PNPLA7: variants seen among roughly 807,000 people sequenced by gnomAD.
PNPLA7 encodes patatin like domain 7, lysophospholipase, also known as patatin-like phospholipase domain-containing protein 7.
PNPLA7 carries 153 observed loss-of-function variants against 161.7 expected under a neutral mutation model. That is an observed-to-expected ratio of 0.95 (90% CI 0.83 to 1.08). PNPLA7 has a LOEUF of 1.08. Ranked by LOEUF, PNPLA7 falls within the 50% of genes least tolerant of loss-of-function variation. PNPLA7 has a pLI of 0.00. For missense variants in PNPLA7, 1,739 were observed against 1,856.6 expected, an observed-to-expected ratio of 0.94 and a Z score of 1.16; for synonymous variants, 809 against 782.1, an observed-to-expected ratio of 1.03 and a Z score of -0.57.
intron 8 of PNPLA7, among the ~76,000 whole-genome samples, chr9:137,530,295 G>A (rs1835523272): frequency 6.6e-6 from 1 of 152,236 alleles, no homozygotes; most frequent in African/African-American, 2.4e-5. Context: ...CAGTTTCAAA[G>A]TCTTTGTTAT....
intron 25 of PNPLA7, 97 bp downstream of exon 25, chr9:137,477,937 A>G: frequency 1.9e-6 from 2 of 1,035,996 alleles, no homozygotes; most frequent in Non-Finnish European, 2.5e-6. Context: ...TGCGGGTGAC[A>G]CCCCCTGTCC....
chr9:137,505,647 G>A lies in PNPLA7; in HGVS notation c.1440C>T (p.Ala480=). 1 of 1,614,100 alleles carries A rather than the reference G, an allele frequency of 6.2e-7. No homozygotes were observed. The highest frequency in any genetic ancestry group is 8.5e-7 in the Non-Finnish European group (1 of 1,180,034). Residue 480 remains alanine (A), a synonymous_variant, in exon 14 of 35, where the codon GCC becomes GCT. Coordinates refer to ENST00000406427, the MANE Select transcript of PNPLA7 (RefSeq NM_001098537.3). ...SRKSDAIFRA[A]KKDLLTLMKL... is the part of the protein sequence containing the mutation. The stretch of plus-strand genomic sequence containing the variant: ...TCATCAGGGTGAGCAGGTCCTTCTT[G>A]GCAGCTCTGAAGATGGCATCCGACT...
chr9:137,463,356 G>T, intron 29 of PNPLA7, 59 bp downstream of exon 29: 1 of 1,441,316 alleles, frequency 6.9e-7, no homozygotes, highest in Non-Finnish European at 9.6e-7. Flanking sequence ...CAGGGGCCGT[G>T]GGGCGGCGTG....
At chr9:137,511,886 C>T (rs1165159551) in intron 12 of PNPLA7, among the ~76,000 whole-genome samples, 2 of 152,226 alleles carry the variant, frequency 1.3e-5, no homozygotes, top group Non-Finnish European at 2.9e-5. Flanking sequence ...TCTGCTTCAG[C>T]TACCACAAAG....
chr9:137,531,139 C>T (rs1051550538), intron 8 of PNPLA7, among the ~76,000 whole-genome samples: 5 of 152,092 alleles, frequency 3.3e-5, no homozygotes, highest in East Asian at 3.9e-4. Context: ...AAGCACAGAA[C>T]GGTTGAGAGG....
rs759288880 is a variant in PNPLA7 at position 137,468,628 on chromosome 9, G to A, written c.2883-1155C>T. On this transcript the variant is annotated intron_variant, in intron 25 of 34. Transcript: ENST00000406427. The surrounding 1 kb of genome is among the most constrained non-coding windows in gnomAD (Gnocchi z 4.0). ...ATCCTCAGTGTTGGAGGAGGGACCC[G>A]GTGGGAGGTAACTGGATCATGGGGG... 4.8e-4 allele frequency among the ~76,000 whole-genome samples: 73 copies of A among 152,012 alleles called. 1 individual carries two copies. The highest frequency in any genetic ancestry group is 9.4e-4 in the Non-Finnish European group (64 of 68,020).
At position 137,520,736 on chromosome 9, in the gene PNPLA7, C is replaced by T. The variant is rs1239339902; in HGVS notation, c.958-693G>A. Among the ~76,000 whole-genome samples the T allele has an allele frequency of 6.6e-6, 1 of 152,236 alleles. No individual in the cohort carries two copies. The highest frequency in any genetic ancestry group is 1.5e-5 in the Non-Finnish European group (1 of 68,038). ...ACCGTCCCACGTCCCGGCCAAGTGC[C>T]TCCCAGGGTCACACCGCCAGGAGGA... is the stretch of plus-strand genomic sequence containing the variant. On this transcript the variant is annotated intron_variant, in intron 10 of 34. Coordinates refer to ENST00000406427, the MANE Select transcript of PNPLA7 (RefSeq NM_001098537.3). The surrounding 1 kb of genome is among the most constrained non-coding windows in gnomAD (Gnocchi z 5.2).
chr9:137,462,118 G>C (rs1339371185), intron 31 of PNPLA7, 61 bp downstream of exon 31: 1 of 1,522,444 alleles, frequency 6.6e-7, no homozygotes, highest in Non-Finnish European at 8.8e-7. Context: ...GGGGAAGCGA[G>C]GAGGGGCAGC....
At chr9:137,503,381 C>T (rs978515413) in intron 14 of PNPLA7, among the ~76,000 whole-genome samples, 6 of 145,796 alleles carry the variant, frequency 4.1e-5, no homozygotes, top group Non-Finnish European at 6.0e-5. Context: ...ACACTGTTTC[C>T]AAAAAAGAAG....
chr9:137,536,048 G>T, intron 8 of PNPLA7, among the ~76,000 whole-genome samples: 1 of 151,502 alleles, frequency 6.6e-6, no homozygotes. Context: ...AGCTACTCAG[G>T]AGGCTGAGGC....
chr9:137,464,415 G>C lies in PNPLA7; in HGVS notation c.3081C>G (p.Tyr1027Ter). The change falls in exon 27 of 35, where the codon TAC becomes TAG. Residue 1027 changes from tyrosine (Y) to a stop codon, truncating the protein, a stop_gained. Coordinates refer to ENST00000406427, the MANE Select transcript of PNPLA7 (RefSeq NM_001098537.3). LOFTEE classifies it high-confidence loss of function. Reference protein sequence around the residue: ...SLMKAALDLTYPITSMFSGAG... With the variant: ...SLMKAALDLT ...CTCCGGAGAACATGGACGTGATGGG[G>C]TAGGTGAGGTCCAGCGCGGCCTTCA... 2 of 1,613,982 alleles carry C rather than the reference G, an allele frequency of 1.2e-6. No homozygotes were observed. Among genetic ancestry groups the C allele is most frequent in the Non-Finnish European group, 1.7e-6 (2 of 1,180,012 alleles).
At position 137,462,296 on chromosome 9, in the gene PNPLA7, G is replaced by A; in HGVS notation, c.3528C>T (p.Ala1176=). ...LNMAEIQTRL[A]YVCCVRQLEV... is the part of the protein sequence containing the mutation. ...CCAGCTGCCGCACGCAACACACGTA[G>A]GCCAGGCGCGTCTGAATCTCTGCCA... Residue 1176 remains alanine, a synonymous_variant, in exon 31 of 35, where the codon GCC becomes GCT. Transcript: ENST00000406427. The A allele has an allele frequency of 6.2e-7, 1 of 1,610,898 alleles. No individual in the cohort carries two copies. The highest frequency in any genetic ancestry group is 2.2e-5 in the East Asian group (1 of 44,850).
chr9:137,513,027 G>A (rs968239537), intron 12 of PNPLA7, among the ~76,000 whole-genome samples: 16 of 151,532 alleles, frequency 1.1e-4, no homozygotes, highest in African/African-American at 3.2e-4. Flanking sequence ...CCTGATGCCC[G>A]ATGGCACAAA....
At chr9:137,548,483 C>T (rs1049155444) in intron 1 of PNPLA7, among the ~76,000 whole-genome samples, 9 of 152,244 alleles carry the variant, frequency 5.9e-5, no homozygotes, top group Non-Finnish European at 1.2e-4. Flanking sequence ...GGCGCAGTGG[C>T]TCACGCCTGC....
chr9:137,478,441 A>AGTGGGCCCG, intron 24 of PNPLA7: 3 of 304,692 alleles, frequency 9.8e-6, no homozygotes, highest in African/African-American at 2.3e-5. Context: ...GGGGGCCAGA[A>AGTGGGCCCG]GGCATCCTCA....
chr9:137,509,716 T>C (rs910931775), intron 12 of PNPLA7: 8 of 455,662 alleles, frequency 1.8e-5, no homozygotes, highest in African/African-American at 8.0e-5. Flanking sequence ...AGCACAGGCA[T>C]GGAGCAGCCA....
chr9:137,522,876 C>A lies in PNPLA7; in HGVS notation c.748-19G>T. 1 of 1,612,358 alleles carries A rather than the reference C, an allele frequency of 6.2e-7. No individual in the cohort carries two copies. Among genetic ancestry groups the A allele is most frequent in the South Asian group, 1.1e-5 (1 of 90,982 alleles). Reference sequence around the variant, plus strand: ...CATGGCCCTGTAACAACAGCTCCATCAGTCCCCACTCTGTGGGCCTGGCCA... The same window carrying A: ...CATGGCCCTGTAACAACAGCTCCATAAGTCCCCACTCTGTGGGCCTGGCCA... On this transcript the variant is annotated intron_variant, in intron 8 of 34. Coordinates refer to ENST00000406427, the MANE Select transcript of PNPLA7 (RefSeq NM_001098537.3).
chr9:137,462,249 T>C lies in PNPLA7; in HGVS notation c.3575A>G (p.Tyr1192Cys), dbSNP rs1831248115. The C allele has an allele frequency of 6.2e-7, 1 of 1,610,868 alleles. No individual in the cohort carries two copies. The highest frequency in any genetic ancestry group is 1.3e-5 in the African/African-American group (1 of 75,012). ...RQLEVVKSSD[Y>C]CEYLRPPIDS... ...GATGGGGGGGCGCAGGTACTCGCAG[T>C]AGTCACTGCTCTTCACCACCTCCAG... Residue 1192 changes from tyrosine (Y) to cysteine (C), a missense_variant, in exon 31 of 35, where the codon TAC becomes TGC. By Grantham distance (194) the Tyr-to-Cys change is radical. This residue lies in a region of PNPLA7 where 703 missense variants were observed against 694.6 expected (regional missense o/e 1.01). Transcript: ENST00000406427.
At chr9:137,518,689 C>G in intron 11 of PNPLA7, among the ~76,000 whole-genome samples, 1 of 88,504 alleles carries the variant, frequency 1.1e-5, no homozygotes, top group Non-Finnish European at 2.3e-5. Flanking sequence ...TCCTCACTCA[C>G]TCACTCCACT....
Sources: allele counts gnomAD v4.1 joint callset (sites outside exome capture counted in the v4.1 genomes callset), GRCh38; gene constraint gnomAD v4.1.1; regional missense constraint gnomAD v4.1.1; non-coding constraint Gnocchi (gnomAD v3.1); transcripts MANE v1.5; gene names NCBI Gene and HGNC (gene_info 2026-07-23, HGNC 2026-07-21).